GRM8: variants seen among roughly 807,000 people sequenced by gnomAD.
GRM8 encodes glutamate metabotropic receptor 8.
A neutral mutation model predicts 87.2 loss-of-function variants in GRM8; 47 were observed. The ratio of observed to expected loss-of-function variants is 0.54; its 90% CI spans 0.43 to 0.69. The LOEUF is 0.69. Among genes scored for constraint, GRM8 ranks in the 30% least tolerant of loss-of-function variants. The pLI, the probability that GRM8 is intolerant of heterozygous loss-of-function variation, is 0.00. For missense variants in GRM8, 1,019 were observed against 1,139.2 expected (o/e 0.89, Z 1.52); for synonymous variants, 396 against 404.5 (o/e 0.98, Z 0.25).
intron 2 of GRM8, among the ~76,000 whole-genome samples, chr7:127,225,151 G>A (rs1258522377): frequency 6.6e-6 from 1 of 152,138 alleles, no homozygotes; most frequent in African/African-American, 2.4e-5. Context: ...CTTCTGCCAG[G>A]GTCACTTTAA....
intron 3 of GRM8, among the ~76,000 whole-genome samples, chr7:127,088,610 T>C (rs963048773): frequency 1.3e-5 from 2 of 152,226 alleles, no homozygotes; most frequent in Admixed American, 1.3e-4. Flanking sequence ...ACCAGGTTGC[T>C]AATTCCCCTG....
intron 7 of GRM8, among the ~76,000 whole-genome samples, chr7:126,649,479 G>A (rs1229270790): frequency 6.6e-6 from 1 of 152,186 alleles, no homozygotes; most frequent in Non-Finnish European, 1.5e-5. Flanking sequence ...TCAGCTTGCA[G>A]AGAGCCTGTT....
chr7:126,872,674 ATC>A (rs1799203931), intron 6 of GRM8, among the ~76,000 whole-genome samples: 1 of 152,152 alleles, frequency 6.6e-6, no homozygotes, highest in Non-Finnish European at 1.5e-5. Context: ...ATGCTAGAAT[ATC>A]CAGATTCCCT....
At chr7:126,737,056 C>A (rs1177053738) in intron 7 of GRM8, among the ~76,000 whole-genome samples, 1 of 152,040 alleles carries the variant, frequency 6.6e-6, no homozygotes, top group Non-Finnish European at 1.5e-5. Context: ...TCCTTCCTGC[C>A]TGGGGACTAG....
intron 6 of GRM8, among the ~76,000 whole-genome samples, chr7:126,771,009 G>C (rs1011323937): frequency 1.3e-5 from 2 of 151,962 alleles, no homozygotes; most frequent in Non-Finnish European, 2.9e-5. Flanking sequence ...GGGACATCAA[G>C]AGTTTATTAA....
chr7:126,923,869 T>C (rs1804806214), intron 3 of GRM8, among the ~76,000 whole-genome samples: 1 of 152,204 alleles, frequency 6.6e-6, no homozygotes, highest in Non-Finnish European at 1.5e-5. Flanking sequence ...AGAAAGCTTC[T>C]TGGCAAAGTC....
chr7:127,131,272 A>G (rs1827670615), intron 2 of GRM8, among the ~76,000 whole-genome samples: 1 of 152,230 alleles, frequency 6.6e-6, no homozygotes, highest in Admixed American at 6.5e-5. Context: ...TGGAGATCTT[A>G]TAAAAGATCC....
At chr7:126,454,960 T>C (rs1563023929) in intron 9 of GRM8, among the ~76,000 whole-genome samples, 2 of 151,674 alleles carry the variant, frequency 1.3e-5, no homozygotes, top group African/African-American at 2.4e-5. Context: ...GGAGTTGATA[T>C]CACTGAAAAA....
chr7:126,943,743 T>TTAGGACTATAGAGTTCTGTGAACTATAGA (rs1194240074), intron 3 of GRM8, among the ~76,000 whole-genome samples: 1 of 152,242 alleles, frequency 6.6e-6, no homozygotes, highest in Non-Finnish European at 1.5e-5. Context: ...GAGTCCTTCA[T>TTAGGACTATAGAGTTCTGTGAACTATAGA]GTTCACAGAA....
intron 9 of GRM8, among the ~76,000 whole-genome samples, chr7:126,475,317 T>C (rs1406353380): frequency 2.0e-5 from 3 of 152,092 alleles, no homozygotes; most frequent in African/African-American, 7.2e-5. Flanking sequence ...ATCGGTTGAA[T>C]TTCTATACAC....
rs928739878 is a variant in GRM8 at position 127,229,179 on chromosome 7, G to C, written c.510+13516C>G. On this transcript the variant is annotated intron_variant, in intron 2 of 10. Transcript: ENST00000339582. Reference sequence around the variant, plus strand: ...CAGAAATATTTAAGGGTAAATATAAGTCTTAATTAAAATCCCTATTCTCCC... The same window carrying C: ...CAGAAATATTTAAGGGTAAATATAACTCTTAATTAAAATCCCTATTCTCCC... 36 of 152,242 alleles carry C rather than the reference G, an allele frequency of 2.4e-4. 1 individual carries two copies. The highest frequency in any genetic ancestry group is 1.9e-3 in the Admixed American group (29 of 15,296). 9.4% of individuals were successfully genotyped at this position (152,242 alleles called of 1,614,324 possible). A position where few individuals can be genotyped will look rare whatever the true frequency, so the allele number is the denominator to read the frequency against.
At chr7:126,740,211 C>T (rs188729284) in intron 7 of GRM8, among the ~76,000 whole-genome samples, 43 of 152,138 alleles carry the variant, frequency 2.8e-4, no homozygotes, top group African/African-American at 8.4e-4. Context: ...ATACTGTTTA[C>T]CTAGCTCCTG....
At chr7:127,171,344 T>G (rs1350973324) in intron 2 of GRM8, among the ~76,000 whole-genome samples, 1 of 152,210 alleles carries the variant, frequency 6.6e-6, no homozygotes, top group Non-Finnish European at 1.5e-5. Flanking sequence ...TAAACTTAAT[T>G]TATAAAGCAG....
intron 3 of GRM8, among the ~76,000 whole-genome samples, chr7:127,075,068 G>A (rs1012272199): frequency 6.6e-6 from 1 of 152,152 alleles, no homozygotes; most frequent in Non-Finnish European, 1.5e-5. Context: ...ATTTTATGTA[G>A]GAGTCTTACT....
intron 6 of GRM8, among the ~76,000 whole-genome samples, chr7:126,835,093 A>AAAAAAG (rs1554507218): frequency 6.6e-6 from 1 of 151,666 alleles, no homozygotes; most frequent in African/African-American, 2.4e-5. Flanking sequence ...AAATAAAAAA[A>AAAAAAG]AAAAGAAAAG....
At chr7:126,855,734 C>A (rs1428097893) in intron 6 of GRM8, among the ~76,000 whole-genome samples, 1 of 152,126 alleles carries the variant, frequency 6.6e-6, no homozygotes, top group Admixed American at 6.6e-5. Flanking sequence ...CTTGGTCTCC[C>A]AAAGTGCTGG....
intron 1 of GRM8, among the ~76,000 whole-genome samples, chr7:127,246,783 T>TAGAAA (rs1798604911): frequency 6.6e-6 from 1 of 152,252 alleles, no homozygotes; most frequent in East Asian, 1.9e-4. Flanking sequence ...CTTTATTTTC[T>TAGAAA]ACACACCTTC....
intron 9 of GRM8, among the ~76,000 whole-genome samples, chr7:126,524,978 T>C (rs2150811802): frequency 6.6e-6 from 1 of 152,370 alleles, no homozygotes; most frequent in East Asian, 1.9e-4. Flanking sequence ...GATTTTTTTT[T>C]TGAGTCAGTT....
intron 3 of GRM8, among the ~76,000 whole-genome samples, chr7:127,032,297 G>A (rs1032664839): frequency 1.3e-5 from 2 of 152,096 alleles, no homozygotes; most frequent in African/African-American, 4.8e-5. Flanking sequence ...CTACTTTAGC[G>A]TTTCCTGTAA....
Sources: gnomAD v4.1 joint callset for allele counts (sites outside exome capture counted in the v4.1 genomes callset) on GRCh38, gnomAD v4.1.1 for gene constraint, MANE v1.5 for transcripts, NCBI Gene and HGNC (gene_info 2026-07-23, HGNC 2026-07-21) for gene names.